Variants in KCNS3 observed in about 807,000 individuals in gnomAD.
KCNS3 encodes the protein potassium voltage-gated channel modifier subfamily S member 3.
Under a neutral mutation model 31.0 loss-of-function variants are expected in KCNS3, and 13 were observed. The observed-to-expected ratio is 0.42, with a 90% CI of 0.27 to 0.67. The LOEUF (loss-of-function observed/expected upper bound fraction) is 0.67. Among genes scored for constraint, KCNS3 ranks in the 30% least tolerant of loss-of-function variants. KCNS3 has a pLI of 0.25. For missense variants in KCNS3, 545 were observed against 622.4 expected, an observed-to-expected ratio of 0.88 and a Z score of 1.32; for synonymous variants, 238 against 241.5, an observed-to-expected ratio of 0.99 and a Z score of 0.13.
At chr2:17,888,060 G>A (rs528627366) in intron 1 of KCNS3, among the ~76,000 whole-genome samples, 86 of 151,580 alleles carry the variant, frequency 5.7e-4, no homozygotes, top group Admixed American at 2.2e-3. Flanking sequence ...GTTTGTTTTT[G>A]TCGTAGATTC....
intron 1 of KCNS3, among the ~76,000 whole-genome samples, chr2:17,907,303 A>G (rs1411679652): frequency 5.9e-5 from 9 of 152,062 alleles, no homozygotes; most frequent in African/African-American, 2.2e-4. Flanking sequence ...TTTGCTTTCC[A>G]TTTGCTTGGT....
intron 2 of KCNS3, among the ~76,000 whole-genome samples, chr2:17,922,409 G>A (rs1662740051): frequency 6.6e-6 from 1 of 152,000 alleles, no homozygotes; most frequent in South Asian, 2.1e-4. Context: ...GAGTCTCACT[G>A]TGTTGTCAAG....
In KCNS3 at chr2:17,925,386, C is replaced by A. The variant is rs113371095; in HGVS notation, c.-59-5564C>A. On this transcript the variant is annotated intron_variant, in intron 2 of 2. Transcript: ENST00000304101. ...ATCTGCATGATAAAACCTTGGTCTT[C>A]ACAACTGCTTATCTTAACCCAGACA... 6.7e-4 allele frequency among the ~76,000 whole-genome samples: 102 copies of A among 152,302 alleles called. 2 individuals carry two copies. Among genetic ancestry groups the A allele is most frequent in the African/African-American group, 2.4e-3 (98 of 41,564 alleles).
intron 2 of KCNS3, among the ~76,000 whole-genome samples, chr2:17,920,234 T>C (rs1662680015): frequency 6.6e-6 from 1 of 152,240 alleles, no homozygotes; most frequent in Admixed American, 6.5e-5. Context: ...TATTTACTTT[T>C]ATGAAATTGA....
At chr2:17,922,531 C>A (rs1662742674) in intron 2 of KCNS3, among the ~76,000 whole-genome samples, 2 of 152,098 alleles carry the variant, frequency 1.3e-5, no homozygotes, top group Non-Finnish European at 2.9e-5. Flanking sequence ...TTGAATACAG[C>A]AAAATCTACC....
At chr2:17,919,460 G>A (rs918785686) in intron 2 of KCNS3, 3 of 152,198 alleles carry the variant, frequency 2.0e-5, no homozygotes, top group Non-Finnish European at 4.4e-5. Context: ...CCAAGGTCAT[G>A]CAGATAAGAA....
intron 1 of KCNS3, among the ~76,000 whole-genome samples, chr2:17,907,926 C>T (rs1185993386): frequency 1.3e-5 from 2 of 152,246 alleles, no homozygotes; most frequent in Non-Finnish European, 2.9e-5. Flanking sequence ...GTGGATCTGA[C>T]AATTGTGTGT....
At chr2:17,893,135 G>A (rs986380737) in intron 1 of KCNS3, among the ~76,000 whole-genome samples, 1 of 152,162 alleles carries the variant, frequency 6.6e-6, no homozygotes, top group Non-Finnish European at 1.5e-5. Context: ...GAGATTCCCA[G>A]GTCACTGGAG....
chr2:17,908,745 G>A (rs942139280), intron 1 of KCNS3, among the ~76,000 whole-genome samples: 7 of 152,188 alleles, frequency 4.6e-5, no homozygotes, highest in Non-Finnish European at 8.8e-5. Context: ...TATTTGCCTG[G>A]GTATCAGCCG....
At position 17,932,622 on chromosome 2, in the gene KCNS3, A is replaced by G; in HGVS notation, c.*138A>G. On this transcript the variant is annotated 3_prime_UTR_variant, in exon 3 of 3. Transcript: ENST00000304101. The stretch of plus-strand genomic sequence containing the variant: ...GCCATAGTTGGACATTCATTGCTGA[A>G]TTCTGAAATGATAGAATTGTCTTTA... 1 of 851,864 alleles carries G rather than the reference A, an allele frequency of 1.2e-6. No individual in the cohort carries two copies. Among genetic ancestry groups the G allele is most frequent in the Non-Finnish European group, 1.8e-6 (1 of 555,842 alleles). 52.8% of individuals were successfully genotyped at this position (851,864 alleles called of 1,614,324 possible). A position where few individuals can be genotyped will look rare whatever the true frequency, so the allele number is the denominator to read the frequency against.
intron 2 of KCNS3, among the ~76,000 whole-genome samples, chr2:17,926,068 G>C (rs918841537): frequency 1.3e-5 from 2 of 152,176 alleles, no homozygotes; most frequent in Non-Finnish European, 2.9e-5. Context: ...GGATTGTTTT[G>C]GCCCCCAAAC....
chr2:17,906,917 G>A (rs1662332037), intron 1 of KCNS3, among the ~76,000 whole-genome samples: 1 of 152,186 alleles, frequency 6.6e-6, no homozygotes. Flanking sequence ...ATGTGGTGCT[G>A]CGAAGAATGT....
At chr2:17,901,324 A>G (rs1172838196) in intron 1 of KCNS3, among the ~76,000 whole-genome samples, 1 of 142,404 alleles carries the variant, frequency 7.0e-6, no homozygotes, top group East Asian at 1.9e-4. Context: ...CAGATGCAGG[A>G]GGGATAGAAA....
chr2:17,912,845 C>A, intron 1 of KCNS3, among the ~76,000 whole-genome samples: 1 of 152,300 alleles, frequency 6.6e-6, no homozygotes, highest in Middle Eastern at 3.4e-3. Context: ...TGGTTTGTCC[C>A]TGAATATATT....
chr2:17,894,861 G>T (rs913937023), intron 1 of KCNS3, among the ~76,000 whole-genome samples: 3 of 152,182 alleles, frequency 2.0e-5, no homozygotes, highest in African/African-American at 7.2e-5. Flanking sequence ...ATTCTACCTT[G>T]TTCTTTCTTG....
chr2:17,921,741 A>T (rs1271301089), intron 2 of KCNS3, among the ~76,000 whole-genome samples: 1 of 151,538 alleles, frequency 6.6e-6, no homozygotes, highest in African/African-American at 2.4e-5. Flanking sequence ...GAGCTCACTA[A>T]CAATCATGAA....
chr2:17,890,727 G>A (rs1287879368), intron 1 of KCNS3, among the ~76,000 whole-genome samples: 1 of 152,136 alleles, frequency 6.6e-6, no homozygotes, highest in Non-Finnish European at 1.5e-5. Flanking sequence ...CCATGTATTT[G>A]CATGGTTTTG....
intron 1 of KCNS3, among the ~76,000 whole-genome samples, chr2:17,909,521 T>C (rs1389492841): frequency 3.3e-5 from 5 of 152,166 alleles, no homozygotes; most frequent in African/African-American, 1.2e-4. Flanking sequence ...CAGTTGGAAA[T>C]GCAGAAATCA....
At chr2:17,879,579 C>T (rs1258336515) in intron 1 of KCNS3, 6 of 152,128 alleles carry the variant, frequency 3.9e-5, no homozygotes, top group South Asian at 2.1e-4. Flanking sequence ...TGCCCGACCT[C>T]CTGAGGCACC....
Sources: allele counts gnomAD v4.1 joint callset (sites outside exome capture counted in the v4.1 genomes callset), GRCh38; gene constraint gnomAD v4.1.1; transcripts MANE v1.5; gene names NCBI Gene and HGNC (gene_info 2026-07-23, HGNC 2026-07-21).